Variants in C6orf58 observed in about 807,000 individuals in gnomAD.
The protein encoded by C6orf58 is chromosome 6 open reading frame 58, also known as protein LEG1 homolog.
In C6orf58, 30 loss-of-function variants were observed where a neutral mutation model predicts 37.0. The ratio of observed to expected loss-of-function variants is 0.81; its 90% CI spans 0.61 to 1.10. C6orf58 has a LOEUF of 1.10. Among genes scored for constraint, C6orf58 ranks in the 50% least tolerant of loss-of-function variants. C6orf58 has a pLI of 0.00. For synonymous variants in C6orf58, 143 were observed against 134.1 expected (o/e 1.07, Z -0.46); for missense variants, 368 against 387.5 (o/e 0.95, Z 0.42).
intron 3 of C6orf58, among the ~76,000 whole-genome samples, chr6:127,580,860 G>T (rs1269764337): frequency 6.6e-6 from 1 of 151,992 alleles, no homozygotes. Flanking sequence ...ATTTTAAGAA[G>T]ATATTTTTGT....
Position 127,577,336 on chromosome 6 carries a change from A to C in C6orf58, c.151A>C (p.Ile51Leu), listed in dbSNP as rs139053521. The change falls in exon 1 of 6, where the codon ATT becomes CTT. Residue 51 changes from isoleucine (I) to leucine (L), a missense_variant. Coordinates refer to ENST00000329722, the MANE Select transcript of C6orf58 (RefSeq NM_001010905.3). ...CTACAGGGTGGAGAACAGCATGTAC[A>C]TTATTAATCCCTGGGTATACCTTGA... The part of the protein sequence containing the change: ...SDYRVENSMY[I>L]INPWVYLERM... The C allele has an allele frequency of 6.2e-7, 1 of 1,613,678 alleles. No homozygotes were observed. Among genetic ancestry groups the C allele is most frequent in the East Asian group, 2.2e-5 (1 of 44,878 alleles).
At chr6:127,578,665 T>C in intron 1 of C6orf58, 21 bp from the exon 2 acceptor site, 1 of 1,573,176 alleles carries the variant, frequency 6.4e-7, no homozygotes, top group Non-Finnish European at 8.7e-7. Context: ...TAAATACGAC[T>C]GTGCATCCTC....
chr6:127,589,666 T>C (rs1775141001), intron 4 of C6orf58, among the ~76,000 whole-genome samples: 1 of 152,186 alleles, frequency 6.6e-6, no homozygotes, highest in African/African-American at 2.4e-5. Context: ...GAAATCTCAA[T>C]GTTTCTGGGA....
intron 4 of C6orf58, among the ~76,000 whole-genome samples, chr6:127,582,642 C>G (rs536233384): frequency 3.3e-5 from 5 of 152,302 alleles, no homozygotes; most frequent in African/African-American, 1.2e-4. Context: ...AGCATAACCT[C>G]CTTTACATTT....
intron 2 of C6orf58, among the ~76,000 whole-genome samples, chr6:127,579,751 T>C (rs1775027963): frequency 6.6e-6 from 1 of 152,092 alleles, no homozygotes; most frequent in Non-Finnish European, 1.5e-5. Context: ...TTACCCAAAA[T>C]TTGTGCTTTA....
At chr6:127,586,498 G>A (rs4895824) in intron 4 of C6orf58, among the ~76,000 whole-genome samples, 53,692 of 151,910 alleles carry the variant, frequency 0.35, 11,585 homozygotes, top group East Asian at 0.93. Flanking sequence ...GTGAGCATGC[G>A]GGCATGCTCA....
intron 4 of C6orf58, among the ~76,000 whole-genome samples, chr6:127,583,459 T>C (rs1193508725): frequency 8.7e-6 from 1 of 115,094 alleles, no homozygotes; most frequent in Non-Finnish European, 1.8e-5. Context: ...GAAAAGACTT[T>C]ATTCATGATC....
At chr6:127,582,404 T>C (rs1031062653) in intron 4 of C6orf58, among the ~76,000 whole-genome samples, 3 of 152,202 alleles carry the variant, frequency 2.0e-5, no homozygotes, top group African/African-American at 4.8e-5. Flanking sequence ...TTTTAACCAA[T>C]TGGCTTGTTT....
At position 127,590,277 on chromosome 6, in the gene C6orf58, GT is replaced by G; in HGVS notation, c.866del (p.Val289GlufsTer6). The G allele has an allele frequency of 6.2e-7, 1 of 1,612,898 alleles. No homozygotes were observed. On this transcript the variant is annotated frameshift_variant, in exon 5 of 6. Transcript: ENST00000329722. LOFTEE classifies it low-confidence loss of function (END_TRUNC). ...FISDFTAFQN[V>X]VLVLLNMLDN... ...CAGTGACTTTACTGCTTTTCAGAAT[GT>G]AGTCCTGGTTCTTCTAAATATGCTT...
At chr6:127,589,513 T>C (rs752673888) in intron 4 of C6orf58, among the ~76,000 whole-genome samples, 2 of 152,204 alleles carry the variant, frequency 1.3e-5, no homozygotes, top group Non-Finnish European at 2.9e-5. Context: ...TCTCACCTAT[T>C]ATGGGGACAA....
chr6:127,591,553 T>C lies in C6orf58; in HGVS notation c.924T>C (p.Cys308=). Residue 308 remains cysteine, a synonymous_variant, in exon 6 of 6, where the codon TGT becomes TGC. Coordinates refer to ENST00000329722, the MANE Select transcript of C6orf58 (RefSeq NM_001010905.3). The part of the protein sequence containing the change: ...DNVDKSIGYL[C]TEKSNVYRDH... ...TTGTATCTTTTACAGGTTATCTTTGTACAGAAAAATCTAATGTATATAGAG... is the reference window on the plus strand; with the variant it reads ...TTGTATCTTTTACAGGTTATCTTTGCACAGAAAAATCTAATGTATATAGAG... The C allele has an allele frequency of 6.6e-7, 1 of 1,521,958 alleles. No homozygotes were observed. Among genetic ancestry groups the C allele is most frequent in the Non-Finnish European group, 8.7e-7 (1 of 1,143,534 alleles). 94.3% of individuals were successfully genotyped at this position (1,521,958 alleles called of 1,614,324 possible). A position where few individuals can be genotyped will look rare whatever the true frequency, so the allele number is the denominator to read the frequency against.
chr6:127,586,705 C>T (rs540001541), intron 4 of C6orf58, among the ~76,000 whole-genome samples: 1 of 151,508 alleles, frequency 6.6e-6, no homozygotes, highest in African/African-American at 2.4e-5. Context: ...CAGTCACCTG[C>T]TTCAGAAGTG....
intron 5 of C6orf58, among the ~76,000 whole-genome samples, chr6:127,590,989 A>C (rs1471370174): frequency 6.6e-6 from 1 of 152,188 alleles, no homozygotes. Flanking sequence ...AAACATGAAT[A>C]AATTAAACCT....
intron 4 of C6orf58, among the ~76,000 whole-genome samples, chr6:127,582,461 T>C (rs1461139391): frequency 6.6e-6 from 1 of 152,196 alleles, no homozygotes; most frequent in Non-Finnish European, 1.5e-5. Flanking sequence ...TGAATTTACT[T>C]AAGTACAGGA....
chr6:127,578,654 A>G (rs1438861273), intron 1 of C6orf58, 32 bp from the exon 2 acceptor site: 3 of 1,505,462 alleles, frequency 2.0e-6, no homozygotes. Context: ...AATGCGTATA[A>G]TAAATACGAC....
chr6:127,583,507 C>T (rs575583657), intron 4 of C6orf58, among the ~76,000 whole-genome samples: 2 of 152,106 alleles, frequency 1.3e-5, no homozygotes, highest in South Asian at 4.1e-4. Context: ...CCATCTTCTT[C>T]TGGGGAAAAA....
chr6:127,583,456 CTT>C (rs59198430), intron 4 of C6orf58, among the ~76,000 whole-genome samples: 20,345 of 151,998 alleles, frequency 0.13, 1,897 homozygotes, highest in African/African-American at 0.26. Flanking sequence ...GGAGAAAAGA[CTT>C]TATTCATGAT....
At chr6:127,587,699 G>A (rs2114299357) in intron 4 of C6orf58, among the ~76,000 whole-genome samples, 1 of 152,262 alleles carries the variant, frequency 6.6e-6, no homozygotes, top group South Asian at 2.1e-4. Context: ...TGACCTAGGA[G>A]TTCAAACAAG....
chr6:127,588,744 AT>A (rs1286689403), intron 4 of C6orf58, among the ~76,000 whole-genome samples: 9 of 152,164 alleles, frequency 5.9e-5, no homozygotes, highest in African/African-American at 2.2e-4. Flanking sequence ...ATTTCTGTGT[AT>A]TGAACTGGTG....
Sources: gnomAD v4.1 joint callset for allele counts (sites outside exome capture counted in the v4.1 genomes callset) on GRCh38, gnomAD v4.1.1 for gene constraint, MANE v1.5 for transcripts, NCBI Gene and HGNC (gene_info 2026-07-23, HGNC 2026-07-21) for gene names.